KALRN: variants seen among roughly 807,000 people sequenced by gnomAD.
KALRN encodes the protein kalirin RhoGEF kinase, also known as kalirin.
KALRN carries 70 observed loss-of-function variants against 353.7 expected under a neutral mutation model. That is an observed-to-expected ratio of 0.20 (90% CI 0.16 to 0.24). KALRN has a LOEUF of 0.24. KALRN is among the 10% of genes least tolerant of loss of function. The pLI, the probability that KALRN is intolerant of heterozygous loss-of-function variation, is 1.00. For missense variants in KALRN, 2,791 were observed against 3,756.7 expected, an observed-to-expected ratio of 0.74 and a Z score of 6.72; for synonymous variants, 1,391 against 1,434.8, an observed-to-expected ratio of 0.97 and a Z score of 0.69.
intron 6 of KALRN, among the ~76,000 whole-genome samples, chr3:124,316,493 C>G (rs1346579291): frequency 1.9e-4 from 29 of 152,340 alleles, no homozygotes; most frequent in Non-Finnish European, 1.3e-4. Context: ...TCATTTGTCC[C>G]GGTCATCCTG....
intron 33 of KALRN, among the ~76,000 whole-genome samples, chr3:124,528,285 G>A (rs988106408): frequency 6.6e-6 from 1 of 152,170 alleles, no homozygotes; most frequent in Non-Finnish European, 1.5e-5. Flanking sequence ...GTGAAGAGGT[G>A]CAGGAATTCC....
intron 15 of KALRN, among the ~76,000 whole-genome samples, chr3:124,424,534 C>G (rs892697659): frequency 2.0e-5 from 3 of 152,158 alleles, no homozygotes; most frequent in Non-Finnish European, 4.4e-5. Context: ...TGAGCCATAG[C>G]CCACACATGC....
chr3:124,339,104 T>C (rs1454478090), intron 9 of KALRN, among the ~76,000 whole-genome samples: 1 of 152,198 alleles, frequency 6.6e-6, no homozygotes, highest in African/African-American at 2.4e-5. Context: ...TTCAAAACTG[T>C]TGGCAAGAGT....
chr3:124,519,129 G>A lies in KALRN; in HGVS notation c.4935+22716G>A, dbSNP rs143515820. 3.5e-5 allele frequency: 34 copies of A among 985,348 alleles called. No individual in the cohort carries two copies. In the East Asian group the frequency reaches 1.5e-3, roughly 43 times the overall value. The allele number at this position is 985,348 out of a possible 1,614,324, so 61.0% of individuals were successfully genotyped here. ...CTCCTCCATAACCTCACTCCCTCCC[G>A]AGGTCTCTGGTTCAAAGACCACCCT... On this transcript the variant is annotated intron_variant, in intron 33 of 59. Transcript: ENST00000682506.
chr3:124,450,561 CTCTT>C (rs2058674234), intron 21 of KALRN, among the ~76,000 whole-genome samples: 1 of 148,404 alleles, frequency 6.7e-6, no homozygotes, highest in Admixed American at 6.8e-5. Context: ...ATTTCTGAGA[CTCTT>C]TTTTTTTTTT....
At chr3:124,573,867 A>C (rs1450603032) in intron 34 of KALRN, among the ~76,000 whole-genome samples, 1 of 152,132 alleles carries the variant, frequency 6.6e-6, no homozygotes, top group Non-Finnish European at 1.5e-5. Flanking sequence ...ATAATATTTG[A>C]TATATTTGAG....
In KALRN at chr3:124,094,344, C is replaced by T. The variant is rs535344766; in HGVS notation, c.73+60531C>T. Among the ~76,000 whole-genome samples, 16 of 152,256 alleles carry T rather than the reference C, an allele frequency of 1.1e-4. No individual in the cohort carries two copies. In the East Asian group the frequency reaches 1.4e-3, roughly 13 times the overall value. On this transcript the variant is annotated intron_variant, in intron 1 of 59. Transcript: ENST00000682506. The stretch of plus-strand genomic sequence containing the variant: ...CTACAGTGAGGCAGTGAGGCAGTAA[C>T]GCTCCCAGGCTCCTGGACTGGCCTC...
intron 1 of KALRN, among the ~76,000 whole-genome samples, chr3:124,142,757 C>A (rs900174010): frequency 2.0e-5 from 3 of 152,106 alleles, no homozygotes; most frequent in South Asian, 4.1e-4. Context: ...ATCTCCACCC[C>A]CCACCCACTC....
chr3:124,213,644 A>G (rs191191411), intron 1 of KALRN, among the ~76,000 whole-genome samples: 2 of 149,614 alleles, frequency 1.3e-5, no homozygotes, highest in Non-Finnish European at 2.9e-5. Flanking sequence ...ATCCAAAAAC[A>G]TGTGATTTTA....
intron 25 of KALRN, among the ~76,000 whole-genome samples, chr3:124,467,210 G>A (rs2107805400): frequency 6.6e-6 from 1 of 152,328 alleles, no homozygotes; most frequent in African/African-American, 2.4e-5. Flanking sequence ...GCAGTGAGGG[G>A]TGAGCAGCAG....
At chr3:124,467,725 A>C (rs1256747912) in intron 25 of KALRN, among the ~76,000 whole-genome samples, 1 of 152,164 alleles carries the variant, frequency 6.6e-6, no homozygotes, top group Non-Finnish European at 1.5e-5. Context: ...TCTCACATCC[A>C]TGTCTGTAAG....
intron 1 of KALRN, among the ~76,000 whole-genome samples, chr3:124,178,360 A>G (rs1215196331): frequency 6.6e-6 from 1 of 152,242 alleles, no homozygotes; most frequent in African/African-American, 2.4e-5. Context: ...TACAACAATT[A>G]TAAGAATTAT....
intron 21 of KALRN, among the ~76,000 whole-genome samples, chr3:124,449,213 G>T (rs1385458129): frequency 6.6e-6 from 1 of 152,126 alleles, no homozygotes; most frequent in Non-Finnish European, 1.5e-5. Flanking sequence ...TACATACAGT[G>T]GCCCTTATGG....
chr3:124,405,233 G>T (rs2091382560), intron 13 of KALRN, among the ~76,000 whole-genome samples: 1 of 152,078 alleles, frequency 6.6e-6, no homozygotes, highest in African/African-American at 2.4e-5. Flanking sequence ...TAGTATTCTG[G>T]CAGGTCACCT....
chr3:124,085,112 A>T (rs1312205444), intron 1 of KALRN, among the ~76,000 whole-genome samples: 3 of 152,200 alleles, frequency 2.0e-5, no homozygotes, highest in Non-Finnish European at 2.9e-5. Flanking sequence ...GGCAGGTTTT[A>T]AAGCTTGAGG....
intron 10 of KALRN, among the ~76,000 whole-genome samples, chr3:124,371,341 T>A (rs2085807634): frequency 6.6e-6 from 1 of 152,194 alleles, no homozygotes; most frequent in East Asian, 1.9e-4. Context: ...TGAGTTCATA[T>A]CTTGAAGGTT....
intron 6 of KALRN, among the ~76,000 whole-genome samples, chr3:124,308,962 G>C (rs972816082): frequency 6.6e-6 from 1 of 151,564 alleles, no homozygotes; most frequent in African/African-American, 2.4e-5. Flanking sequence ...AGTGAAAGAG[G>C]GGATATTATT....
intron 6 of KALRN, among the ~76,000 whole-genome samples, chr3:124,315,269 A>G (rs1238320706): frequency 6.6e-6 from 1 of 152,144 alleles, no homozygotes; most frequent in Non-Finnish European, 1.5e-5. Flanking sequence ...AACTCTAATC[A>G]GCCATGTTTG....
At chr3:124,664,548 T>G (rs541289914) in intron 45 of KALRN, among the ~76,000 whole-genome samples, 215 of 152,010 alleles carry the variant, frequency 1.4e-3, no homozygotes, top group South Asian at 7.9e-3. Flanking sequence ...GTAGCTGGGA[T>G]TACAGGCAGG....
Sources: allele counts gnomAD v4.1 joint callset (sites outside exome capture counted in the v4.1 genomes callset), GRCh38; gene constraint gnomAD v4.1.1; transcripts MANE v1.5; gene names NCBI Gene and HGNC (gene_info 2026-07-23, HGNC 2026-07-21).